KDM4C: variants seen among roughly 807,000 people sequenced by gnomAD.
KDM4C encodes lysine-specific demethylase 4C.
KDM4C carries 81 observed loss-of-function variants against 129.3 expected under a neutral mutation model. The observed-to-expected ratio is 0.63, with a 90% CI of 0.52 to 0.75. The LOEUF is 0.75. Ranked by LOEUF, KDM4C falls within the 30% of genes least tolerant of loss-of-function variation. KDM4C has a pLI of 0.00. For missense variants in KDM4C, 1,457 were observed against 1,304.0 expected, an observed-to-expected ratio of 1.12 and a Z score of -1.81; for synonymous variants, 573 against 456.1, an observed-to-expected ratio of 1.26 and a Z score of -3.26.
At chr9:6,856,696 C>T (rs1839912506) in intron 5 of KDM4C, among the ~76,000 whole-genome samples, 1 of 151,576 alleles carries the variant, frequency 6.6e-6, no homozygotes, top group Non-Finnish European at 1.5e-5. Context: ...CTTCAGCCTC[C>T]CAGGTAGCTG....
intron 8 of KDM4C, chr9:6,902,619 A>T (rs915679941): frequency 6.6e-6 from 1 of 152,136 alleles, no homozygotes; most frequent in African/African-American, 2.4e-5. Context: ...CTCCCCAAGT[A>T]CATATTTAGG....
chr9:6,835,010 AC>A (rs1361568324), intron 4 of KDM4C: 1 of 951,776 alleles, frequency 1.1e-6, no homozygotes, highest in African/African-American at 1.6e-5. Context: ...CCGGGACCTG[AC>A]TACCTCATGA....
At chr9:6,767,940 T>TTA (rs1820967337) in intron 1 of KDM4C, among the ~76,000 whole-genome samples, 1 of 152,140 alleles carries the variant, frequency 6.6e-6, no homozygotes, top group African/African-American at 2.4e-5. Context: ...TAAGTTTGTA[T>TTA]TATATATACA....
intron 21 of KDM4C, among the ~76,000 whole-genome samples, chr9:7,173,715 G>A (rs982473512): frequency 4.6e-5 from 7 of 152,234 alleles, no homozygotes; most frequent in Non-Finnish European, 4.4e-5. Context: ...CATGGGCATG[G>A]TGGTGCCTTT....
At chr9:7,107,250 T>A (rs1261584459) in intron 18 of KDM4C, among the ~76,000 whole-genome samples, 2 of 152,258 alleles carry the variant, frequency 1.3e-5, no homozygotes, top group African/African-American at 2.4e-5. Context: ...CTAACCCAGT[T>A]ATCTGAATGT....
intron 1 of KDM4C, among the ~76,000 whole-genome samples, chr9:6,733,230 G>A (rs1817409943): frequency 6.6e-6 from 1 of 152,218 alleles, no homozygotes; most frequent in South Asian, 2.1e-4. Context: ...TGGGACAGTT[G>A]CAGATTTGAC....
At chr9:7,028,388 C>G (rs574845216) in intron 15 of KDM4C, among the ~76,000 whole-genome samples, 33 of 151,954 alleles carry the variant, frequency 2.2e-4, no homozygotes, top group South Asian at 2.1e-3. Context: ...TGTCCAGGAG[C>G]TAGGCCCTGC....
At chr9:6,857,897 G>T (rs1025355355) in intron 5 of KDM4C, among the ~76,000 whole-genome samples, 1 of 149,130 alleles carries the variant, frequency 6.7e-6, no homozygotes, top group Non-Finnish European at 1.5e-5. Flanking sequence ...TAGGACTACA[G>T]GTGCATGTTA....
intron 3 of KDM4C, among the ~76,000 whole-genome samples, chr9:6,807,450 C>G (rs1342796931): frequency 1.2e-4 from 18 of 146,188 alleles, no homozygotes; most frequent in Non-Finnish European, 2.0e-4. Context: ...CGCCTCTTCC[C>G]AGCCGCCATC....
In KDM4C at chr9:6,840,126, G is replaced by T. The variant is rs569847801; in HGVS notation, c.436-9381G>T. On this transcript the variant is annotated intron_variant, in intron 4 of 21. Transcript: ENST00000381309. ...CTCACTCTGTCACCCAGGCTGGAGT[G>T]CAGTGCCACAATCATGGCTCACTGC... 9.3e-4 allele frequency among the ~76,000 whole-genome samples: 141 copies of T among 152,084 alleles called. 1 individual carries two copies. Among genetic ancestry groups the T allele is most frequent in the African/African-American group, 2.6e-3 (107 of 41,514 alleles).
chr9:7,121,714 C>T (rs1470406108), intron 18 of KDM4C, among the ~76,000 whole-genome samples: 1 of 152,060 alleles, frequency 6.6e-6, no homozygotes, highest in Non-Finnish European at 1.5e-5. Flanking sequence ...TAATCCAACC[C>T]TGTGGATATA....
intron 8 of KDM4C, among the ~76,000 whole-genome samples, chr9:6,908,061 A>G (rs1818641720): frequency 1.3e-5 from 2 of 152,160 alleles, no homozygotes; most frequent in African/African-American, 2.4e-5. Context: ...GTCTTAGAAG[A>G]TATTTATTGG....
At position 7,165,368 on chromosome 9, in the gene KDM4C, CCTT is replaced by C. The variant is rs772502389; in HGVS notation, c.2901+14_2901+16del. 1.9e-6 allele frequency: 3 copies of C among 1,613,160 alleles called. No individual in the cohort carries two copies. The highest frequency in any genetic ancestry group is 1.7e-6 in the Non-Finnish European group (2 of 1,179,524). ...GCCCACATGTACCAGGTGGGTTCTT[CCTT>C]CTCTGTGATGCTTGCTAAGATTGAC... On this transcript the variant is annotated intron_variant, in intron 20 of 21. Transcript: ENST00000381309.
At chr9:7,155,464 C>T (rs966039632) in intron 19 of KDM4C, among the ~76,000 whole-genome samples, 6 of 152,050 alleles carry the variant, frequency 3.9e-5, no homozygotes, top group Admixed American at 6.6e-5. Flanking sequence ...CCCATCAACT[C>T]GTCATTTACA....
upstream of KDM4C, among the ~76,000 whole-genome samples, chr9:6,756,577 C>T (rs1453244609): frequency 6.6e-6 from 1 of 152,118 alleles, no homozygotes; most frequent in Admixed American, 6.5e-5. Flanking sequence ...ATTAGCTGGG[C>T]GTGGTGGCGG....
At chr9:6,800,715 C>T (rs1253713039) in intron 2 of KDM4C, among the ~76,000 whole-genome samples, 2 of 152,110 alleles carry the variant, frequency 1.3e-5, no homozygotes, top group African/African-American at 2.4e-5. Context: ...CAGCCTTGTC[C>T]TCCCGGGCTC....
chr9:6,782,025 A>G (rs964383610), intron 1 of KDM4C, among the ~76,000 whole-genome samples: 1 of 151,934 alleles, frequency 6.6e-6, no homozygotes, highest in Non-Finnish European at 1.5e-5. Flanking sequence ...GGGTTTCACC[A>G]TGTTGGCCCG....
At chr9:7,003,634 C>A (rs977739317) in intron 12 of KDM4C, among the ~76,000 whole-genome samples, 1 of 152,138 alleles carries the variant, frequency 6.6e-6, no homozygotes, top group Admixed American at 6.5e-5. Flanking sequence ...GTAGAATTCT[C>A]TGCTATCCAT....
intron 20 of KDM4C, among the ~76,000 whole-genome samples, chr9:7,169,198 T>G (rs1844706923): frequency 6.9e-6 from 1 of 145,174 alleles, no homozygotes; most frequent in Admixed American, 6.7e-5. Flanking sequence ...CAGTCTCATG[T>G]TTTGTGATTT....
Sources: allele counts gnomAD v4.1 joint callset (sites outside exome capture counted in the v4.1 genomes callset), GRCh38; gene constraint gnomAD v4.1.1; transcripts MANE v1.5; gene names NCBI Gene and HGNC (gene_info 2026-07-23, HGNC 2026-07-21).